FOXP2: variants seen among roughly 807,000 people sequenced by gnomAD.
FOXP2 encodes forkhead box protein P2.
FOXP2 carries 12 observed loss-of-function variants against 115.8 expected under a neutral mutation model. The ratio of observed to expected loss-of-function variants is 0.10; its 90% CI spans 0.07 to 0.17. The LOEUF (loss-of-function observed/expected upper bound fraction) is 0.17. FOXP2 is among the 10% of genes least tolerant of loss of function. The pLI is 1.00. For missense variants in FOXP2, 629 were observed against 843.5 expected (o/e 0.75, Z 3.15); for synonymous variants, 328 against 297.7 (o/e 1.10, Z -1.05).
chr7:114,087,424 CTGTT>C (rs1331582593), upstream of FOXP2, among the ~76,000 whole-genome samples: 3 of 151,420 alleles, frequency 2.0e-5, no homozygotes, highest in African/African-American at 7.3e-5. Context: ...GGTCGCCTGG[CTGTT>C]TGTGGGTGGG....
intron 2 of FOXP2, among the ~76,000 whole-genome samples, chr7:114,387,762 C>A (rs1186786642): frequency 6.6e-6 from 1 of 151,966 alleles, no homozygotes; most frequent in African/African-American, 2.4e-5. Flanking sequence ...TTAATGAAAT[C>A]CTGGCATGGT....
At chr7:114,610,155 A>T (rs1479290207) in intron 3 of FOXP2, among the ~76,000 whole-genome samples, 1 of 152,204 alleles carries the variant, frequency 6.6e-6, no homozygotes, top group Non-Finnish European at 1.5e-5. Flanking sequence ...TGAAGTTTAT[A>T]CTTTATTCAA....
intron 1 of FOXP2, among the ~76,000 whole-genome samples, chr7:114,136,283 A>G (rs1036327253): frequency 6.6e-6 from 1 of 152,036 alleles, no homozygotes; most frequent in African/African-American, 2.4e-5. Flanking sequence ...CTTCTACTCA[A>G]TACTGATTAT....
intron 8 of FOXP2, among the ~76,000 whole-genome samples, chr7:114,650,347 A>G (rs1806178853): frequency 6.6e-6 from 1 of 152,060 alleles, no homozygotes; most frequent in Non-Finnish European, 1.5e-5. Flanking sequence ...ATCTCAGTGT[A>G]TAACTGAAGC....
chr7:114,502,273 T>C (rs1474385418), intron 2 of FOXP2, among the ~76,000 whole-genome samples: 2 of 152,106 alleles, frequency 1.3e-5, no homozygotes, highest in East Asian at 3.8e-4. Flanking sequence ...ATGCATTCAT[T>C]AACCTAGCTA....
At chr7:114,626,246 A>G (rs915163040) in intron 3 of FOXP2, among the ~76,000 whole-genome samples, 1 of 151,798 alleles carries the variant, frequency 6.6e-6, no homozygotes, top group Non-Finnish European at 1.5e-5. Context: ...AAACTTGCTT[A>G]AATTTGCTCA....
chr7:114,209,866 C>T (rs1338566876), intron 1 of FOXP2, among the ~76,000 whole-genome samples: 1 of 152,078 alleles, frequency 6.6e-6, no homozygotes, highest in African/African-American at 2.4e-5. Flanking sequence ...GTGTGCCTGT[C>T]TTATTTCAGA....
rs556356945 is a variant in FOXP2 at position 114,539,713 on chromosome 7, A to G, written c.258+5007A>G. Among the ~76,000 whole-genome samples the G allele has an allele frequency of 9.9e-5, 15 of 152,168 alleles. No individual in the cohort carries two copies. The South Asian group carries it at 1.0e-3, about 11-fold the overall frequency. ...TATAGAATACAATTTTTGTTAAACT[A>G]TGATGATGTTTCTATCCATGACCAG... is the stretch of plus-strand genomic sequence containing the variant. On this transcript the variant is annotated intron_variant, in intron 3 of 16. Transcript: ENST00000350908.
chr7:114,110,207 C>G (rs138233873), intron 1 of FOXP2, among the ~76,000 whole-genome samples: 186 of 152,210 alleles, frequency 1.2e-3, no homozygotes, highest in Non-Finnish European at 1.3e-3. Context: ...CCAGAGGGAC[C>G]CACCTTATCT....
At chr7:114,638,277 A>G (rs994166289) in intron 6 of FOXP2, among the ~76,000 whole-genome samples, 11 of 152,180 alleles carry the variant, frequency 7.2e-5, no homozygotes, top group Non-Finnish European at 1.5e-5. Context: ...CGCTGACTTC[A>G]AAATGAGATT....
At chr7:114,212,721 A>C (rs1794392003) in intron 1 of FOXP2, among the ~76,000 whole-genome samples, 1 of 152,250 alleles carries the variant, frequency 6.6e-6, no homozygotes, top group Non-Finnish European at 1.5e-5. Context: ...ATAAAACACA[A>C]GATGGCATAA....
chr7:114,515,960 A>G (rs1251924639), intron 2 of FOXP2, among the ~76,000 whole-genome samples: 4 of 152,218 alleles, frequency 2.6e-5, no homozygotes, highest in Non-Finnish European at 2.9e-5. Flanking sequence ...GGAAGAATCA[A>G]TATCATGAAA....
rs979497580 is a variant in FOXP2, at chr7:114,297,368, G to A, written c.-11+9259G>A. 5.2e-5 allele frequency: 37 copies of A among 714,834 alleles called. 1 individual carries two copies. In the Admixed American group the frequency reaches 7.9e-4, roughly 15 times the overall value. The allele number at this position is 714,834 out of a possible 1,614,324, so 44.3% of individuals were successfully genotyped here. ...GGCGGCTGTGCCTGGGCTTGCTCAC[G>A]TTCTTGGTCACCTTGTGGCCCTTGT... On this transcript the variant is annotated intron_variant, in intron 2 of 17. Coordinates refer to the FOXP2 transcript ENST00000634411.
chr7:114,252,536 C>T (rs1012784453), intron 1 of FOXP2, among the ~76,000 whole-genome samples: 17 of 152,064 alleles, frequency 1.1e-4, no homozygotes, highest in Non-Finnish European at 2.4e-4. Context: ...TGTATGTGTC[C>T]AGGAATTTAT....
chr7:114,160,637 G>A, upstream of FOXP2, among the ~76,000 whole-genome samples: 1 of 152,120 alleles, frequency 6.6e-6, no homozygotes, highest in African/African-American at 2.4e-5. Context: ...TTATAGTAAA[G>A]TGTCATGTTG....
At chr7:114,296,126 AT>A (rs1460821023) in intron 2 of FOXP2, among the ~76,000 whole-genome samples, 1 of 152,208 alleles carries the variant, frequency 6.6e-6, no homozygotes, top group Non-Finnish European at 1.5e-5. Context: ...GACCTAAAAT[AT>A]TTAGGTTTTT....
chr7:114,596,691 TA>T (rs1217863500), intron 3 of FOXP2, among the ~76,000 whole-genome samples: 1 of 152,128 alleles, frequency 6.6e-6, no homozygotes, highest in African/African-American at 2.4e-5. Flanking sequence ...TTGCCATTAA[TA>T]AAAGACTTGT....
At chr7:114,276,045 A>G (rs946068933) in intron 1 of FOXP2, among the ~76,000 whole-genome samples, 8 of 152,200 alleles carry the variant, frequency 5.3e-5, no homozygotes, top group East Asian at 1.9e-4. Context: ...CTTCAGATCA[A>G]TTAGTTTTTG....
At chr7:114,584,904 A>G (rs1802055082) in intron 3 of FOXP2, among the ~76,000 whole-genome samples, 1 of 152,248 alleles carries the variant, frequency 6.6e-6, no homozygotes, top group Non-Finnish European at 1.5e-5. Flanking sequence ...TGAAAAATAC[A>G]CACAAGTGTT....
Sources: allele counts gnomAD v4.1 joint callset (sites outside exome capture counted in the v4.1 genomes callset), GRCh38; gene constraint gnomAD v4.1.1; transcripts MANE v1.5; gene names NCBI Gene and HGNC (gene_info 2026-07-23, HGNC 2026-07-21).